ANO3: variants seen among roughly 807,000 people sequenced by gnomAD.
ANO3 encodes anoctamin-3.
In ANO3, 99 loss-of-function variants were observed where a neutral mutation model predicts 144.8. That is an observed-to-expected ratio of 0.68 (90% CI 0.58 to 0.81). The LOEUF (loss-of-function observed/expected upper bound fraction) is 0.81, where lower values mean the gene tolerates loss of function less well. Among genes scored for constraint, ANO3 ranks in the 30% least tolerant of loss-of-function variants. ANO3 has a pLI of 0.00. For synonymous variants in ANO3, 414 were observed against 392.6 expected (o/e 1.05, Z -0.64); for missense variants, 905 against 1,202.2 (o/e 0.75, Z 3.66).
chr11:26,495,881 T>G lies in ANO3; in HGVS notation c.433-12223T>G, dbSNP rs568363862. Among the ~76,000 whole-genome samples the G allele has an allele frequency of 6.6e-5, 10 of 152,332 alleles. No homozygotes were observed. The South Asian group carries it at 2.1e-3, about 32-fold the overall frequency. On this transcript the variant is annotated intron_variant, in intron 4 of 26. Transcript: ENST00000256737. Reference sequence around the variant, plus strand: ...GACTAATGGAGAACAATTAATAGTTTGGAATTGTCTGCTTTGGAGCACATG... The same window carrying G: ...GACTAATGGAGAACAATTAATAGTTGGGAATTGTCTGCTTTGGAGCACATG...
At chr11:26,355,138 T>C (rs1488663105) in intron 1 of ANO3, among the ~76,000 whole-genome samples, 1 of 152,136 alleles carries the variant, frequency 6.6e-6, no homozygotes, top group East Asian at 1.9e-4. Context: ...CTGATTTTCT[T>C]GTATTAGGGC....
intron 17 of ANO3, among the ~76,000 whole-genome samples, chr11:26,624,085 C>CA (rs1852505102): frequency 6.6e-6 from 1 of 152,162 alleles, no homozygotes; most frequent in Non-Finnish European, 1.5e-5. Context: ...CGCGCCCGGC[C>CA]AAAAAACTGT....
intron 14 of ANO3, among the ~76,000 whole-genome samples, chr11:26,568,348 G>A (rs1407492841): frequency 6.6e-6 from 1 of 151,912 alleles, no homozygotes; most frequent in Non-Finnish European, 1.5e-5. Context: ...CTGAGAGATC[G>A]GATTTGGATT....
intron 1 of ANO3, among the ~76,000 whole-genome samples, chr11:26,438,592 C>CAAAAAAAAAAAAAAAAA (rs1227963923): frequency 8.5e-5 from 6 of 70,184 alleles, no homozygotes; most frequent in African/African-American, 2.5e-4. Flanking sequence ...ACTAAAAATA[C>CAAAAAAAAAAAAAAAAA]AAAAAAAAAA....
At chr11:26,450,130 CT>C (rs1453082123) in intron 3 of ANO3, among the ~76,000 whole-genome samples, 1 of 152,126 alleles carries the variant, frequency 6.6e-6, no homozygotes, top group Non-Finnish European at 1.5e-5. Context: ...TACTTCCTTT[CT>C]ATTATAGCAC....
chr11:26,265,439 C>G (rs1231220467), intron 1 of ANO3, among the ~76,000 whole-genome samples: 1 of 152,136 alleles, frequency 6.6e-6, no homozygotes, highest in Non-Finnish European at 1.5e-5. Context: ...GGGAACCTAA[C>G]CTAATAGATT....
chr11:26,581,844 A>G (rs943171457), intron 14 of ANO3, among the ~76,000 whole-genome samples: 1 of 152,172 alleles, frequency 6.6e-6, no homozygotes, highest in Non-Finnish European at 1.5e-5. Context: ...AATTGACAAT[A>G]TCTCCGTTCT....
intron 17 of ANO3, among the ~76,000 whole-genome samples, chr11:26,622,405 G>A (rs1852442570): frequency 6.8e-6 from 1 of 148,052 alleles, no homozygotes; most frequent in South Asian, 2.2e-4. Flanking sequence ...GACCAGACTG[G>A]GCAACATGCC....
intron 1 of ANO3, among the ~76,000 whole-genome samples, chr11:26,391,477 A>ATTGATT (rs1856877210): frequency 1.3e-5 from 2 of 152,244 alleles, no homozygotes; most frequent in Admixed American, 1.3e-4. Context: ...AAATAGTAGC[A>ATTGATT]CAAACATTGA....
At chr11:26,371,859 A>C (rs1229971245) in intron 1 of ANO3, among the ~76,000 whole-genome samples, 1 of 152,170 alleles carries the variant, frequency 6.6e-6, no homozygotes, top group Non-Finnish European at 1.5e-5. Flanking sequence ...GCAGGAACTA[A>C]TGTGTTATTT....
At position 26,656,197 on chromosome 11, in the gene ANO3, T is replaced by C; in HGVS notation, c.2649T>C (p.Gly883=). 6.2e-7 allele frequency: 1 copy of C among 1,612,808 alleles called. No individual in the cohort carries two copies. Among genetic ancestry groups the C allele is most frequent in the Non-Finnish European group, 8.5e-7 (1 of 1,178,918 alleles). The change falls in exon 25 of 27, where the codon GGT becomes GGC. Residue 883 remains glycine, a synonymous_variant. Transcript: ENST00000256737. ...GTGAGCTTGGTATGGGAAAATCTGG[T>C]TATTGCAGGTACTTATAATAGTTAT... ...DLSELGMGKS[G]YCRYRDYRGP... is the part of the protein sequence containing the mutation.
intron 1 of ANO3, among the ~76,000 whole-genome samples, chr11:26,385,454 C>G (rs1403312169): frequency 6.6e-6 from 1 of 152,136 alleles, no homozygotes; most frequent in Non-Finnish European, 1.5e-5. Context: ...TGGCTGATTT[C>G]TTCTGCAGGT....
intron 3 of ANO3, among the ~76,000 whole-genome samples, chr11:26,446,868 G>C (rs1358254338): frequency 6.6e-6 from 1 of 151,290 alleles, no homozygotes; most frequent in African/African-American, 2.4e-5. Flanking sequence ...TCCAAATTCT[G>C]CTGGGCCCAG....
At chr11:26,657,846 A>T (rs1314963463) in intron 26 of ANO3, among the ~76,000 whole-genome samples, 1 of 152,116 alleles carries the variant, frequency 6.6e-6, no homozygotes, top group Non-Finnish European at 1.5e-5. Context: ...CTTCCGTATG[A>T]TATTTCATCA....
chr11:26,204,284 C>T (rs1851754212), intron 1 of ANO3, among the ~76,000 whole-genome samples: 1 of 152,032 alleles, frequency 6.6e-6, no homozygotes, highest in Non-Finnish European at 1.5e-5. Flanking sequence ...TTCAATATGT[C>T]TGGAGTTCAT....
intron 1 of ANO3, among the ~76,000 whole-genome samples, chr11:26,268,141 T>A (rs1853356033): frequency 6.6e-6 from 1 of 152,146 alleles, no homozygotes; most frequent in South Asian, 2.1e-4. Flanking sequence ...CCACCAAATA[T>A]AAATGCATGA....
chr11:26,507,195 A>G (rs1400535419), intron 4 of ANO3, among the ~76,000 whole-genome samples: 1 of 152,222 alleles, frequency 6.6e-6, no homozygotes, highest in African/African-American at 2.4e-5. Flanking sequence ...GTGTTGATCA[A>G]TAAAGCTGAT....
chr11:26,389,997 T>A (rs1856834033), intron 1 of ANO3, among the ~76,000 whole-genome samples: 1 of 152,076 alleles, frequency 6.6e-6, no homozygotes, highest in African/African-American at 2.4e-5. Context: ...TGACAGTTGA[T>A]AGCAGATGTA....
In ANO3 at chr11:26,650,125, A is replaced by G. The variant is rs569525448; in HGVS notation, c.2576+2269A>G. ...AGCAAAGATGTGGAGGGCTTATGTTACAGTGACACCACACATTCAGAGGAG... is the reference window on the plus strand; with the variant it reads ...AGCAAAGATGTGGAGGGCTTATGTTGCAGTGACACCACACATTCAGAGGAG... On this transcript the variant is annotated intron_variant, in intron 24 of 26. Transcript: ENST00000256737. 2.7e-4 allele frequency among the ~76,000 whole-genome samples: 41 copies of G among 152,326 alleles called. No homozygotes were observed. In the South Asian group the frequency reaches 7.9e-3, roughly 29 times the overall value.
Sources: allele counts gnomAD v4.1 joint callset (sites outside exome capture counted in the v4.1 genomes callset), GRCh38; gene constraint gnomAD v4.1.1; transcripts MANE v1.5; gene names NCBI Gene and HGNC (gene_info 2026-07-23, HGNC 2026-07-21).